The following TYMS variants were observed in gnomAD, a reference collection of about 807,000 sequenced individuals.
The protein encoded by TYMS is thymidylate synthetase, also known as thymidylate synthase.
A neutral mutation model predicts 39.3 loss-of-function variants in TYMS; 21 were observed. That is an observed-to-expected ratio of 0.54 (90% CI 0.38 to 0.77). The LOEUF (loss-of-function observed/expected upper bound fraction) is 0.77. Among genes scored for constraint, TYMS ranks in the 30% least tolerant of loss-of-function variants. The pLI is 0.00. For missense variants in TYMS, 273 were observed against 406.7 expected, an observed-to-expected ratio of 0.67 and a Z score of 2.83; for synonymous variants, 171 against 162.2, an observed-to-expected ratio of 1.05 and a Z score of -0.41.
intron 3 of TYMS, among the ~76,000 whole-genome samples, chr18:665,110 T>C (rs1346750436): frequency 6.6e-6 from 1 of 151,816 alleles, no homozygotes; most frequent in African/African-American, 2.4e-5. Flanking sequence ...TTCCTCTTTG[T>C]ACCTCTGGTA....
At chr18:667,251 TGATGGTGATGGA>T (rs1184303789) in intron 3 of TYMS, among the ~76,000 whole-genome samples, 1 of 21,012 alleles carries the variant, frequency 4.8e-5, no homozygotes, top group Non-Finnish European at 8.2e-5. Context: ...ATGGTGATGG[TGATGGTGATGGA>T]GATGGTGATG....
chr18:658,534 GAGTATA>G lies in TYMS; in HGVS notation c.205+591_205+596del, dbSNP rs77497635. The G allele has an allele frequency of 0.18, 57,037 of 315,112 alleles. 7,198 individuals are homozygous for G. Among genetic ancestry groups the G allele is most frequent in the East Asian group, 0.5 (3,546 of 7,128 alleles). 19.5% of individuals were successfully genotyped at this position (315,112 alleles called of 1,614,324 possible). A position where few individuals can be genotyped will look rare whatever the true frequency, so the allele number is the denominator to read the frequency against. On this transcript the variant is annotated intron_variant, in intron 1 of 6. Coordinates refer to ENST00000323274, the MANE Select transcript of TYMS (RefSeq NM_001071.4). The surrounding 1 kb of genome is among the most constrained non-coding windows in gnomAD (Gnocchi z 4.5). ...CTTGAAAAGAGAAATTCGGGAGTTCGAGTATAAGTTCTTAGTCGTCCTTTCCTCTTT... is the reference window on the plus strand; with the variant it reads ...CTTGAAAAGAGAAATTCGGGAGTTCGAGTTCTTAGTCGTCCTTTCCTCTTT...
chr18:667,786 G>A (rs866160893), intron 3 of TYMS: 2 of 152,286 alleles, frequency 1.3e-5, no homozygotes, highest in South Asian at 4.2e-4. Context: ...CTGCACCTCA[G>A]TTGTAGGGTG....
chr18:666,368 A>T (rs1287820534), intron 3 of TYMS, among the ~76,000 whole-genome samples: 1 of 152,088 alleles, frequency 6.6e-6, no homozygotes, highest in Non-Finnish European at 1.5e-5. Flanking sequence ...TGTGAAGCGC[A>T]GTGCCAGGGT....
At position 673,204 on chromosome 18, in the gene TYMS, A is replaced by T. The variant is rs569492415; in HGVS notation, c.*207A>T. On this transcript the variant is annotated 3_prime_UTR_variant, in exon 7 of 7. Coordinates refer to ENST00000323274, the MANE Select transcript of TYMS (RefSeq NM_001071.4). The stretch of plus-strand genomic sequence containing the variant: ...ATAATAAAAGGCTTTGAGTTAACTC[A>T]CTGAGGGTATCTGACAATGCTGAGG... 2.2e-6 allele frequency: 1 copy of T among 447,026 alleles called. No homozygotes were observed. The highest frequency in any genetic ancestry group is 3.9e-6 in the Non-Finnish European group (1 of 258,192). 27.7% of individuals were successfully genotyped at this position (447,026 alleles called of 1,614,324 possible).
At position 658,336 on chromosome 18, in the gene TYMS, C is replaced by T; in HGVS notation, c.205+389C>T. 7.4e-7 allele frequency: 1 copy of T among 1,345,070 alleles called. No individual in the cohort carries two copies. The highest frequency in any genetic ancestry group is 9.8e-7 in the Non-Finnish European group (1 of 1,019,026). The allele number at this position is 1,345,070 out of a possible 1,614,324, so 83.3% of individuals were successfully genotyped here. ...TCTCAAAGTCCTGGCTTTGGCCCCT[C>T]CTCCGTTTTCCCCTGTGGACCATTC... On this transcript the variant is annotated intron_variant, in intron 1 of 6. Coordinates refer to ENST00000323274, the MANE Select transcript of TYMS (RefSeq NM_001071.4). The surrounding 1 kb of genome is among the most constrained non-coding windows in gnomAD (Gnocchi z 4.5).
chr18:667,598 T>TGGAGATG (rs1373026175), intron 3 of TYMS: 5 of 104,046 alleles, frequency 4.8e-5, no homozygotes, highest in Admixed American at 1.7e-4. Context: ...GTGATGGTGA[T>TGGAGATG]GGTGATGGTG....
At chr18:667,442 TGATGGTGATGGTGATGATGGA>T (rs1567990605) in intron 3 of TYMS, among the ~76,000 whole-genome samples, 12 of 1,154 alleles carry the variant, frequency 0.01, 3 homozygotes, top group East Asian at 0.053. Flanking sequence ...ATGGTGATGG[TGATGGTGATGGTGATGATGGA>T]GATGGTGATG....
At chr18:669,031 T>C in intron 3 of TYMS, 41 bp from the exon 4 acceptor site, 4 of 1,524,676 alleles carry the variant, frequency 2.6e-6, no homozygotes, top group Non-Finnish European at 3.6e-6. Flanking sequence ...ACATGTGTGA[T>C]TAATGTATGT....
Position 657,726 on chromosome 18 carries a change from C to A in TYMS, c.-17C>A, listed in dbSNP as rs1382280915. The A allele has an allele frequency of 2.2e-6, 3 of 1,334,440 alleles. No homozygotes were observed. Among genetic ancestry groups the A allele is most frequent in the Non-Finnish European group, 2.9e-6 (3 of 1,050,124 alleles). 82.7% of individuals were successfully genotyped at this position (1,334,440 alleles called of 1,614,324 possible). A position where few individuals can be genotyped will look rare whatever the true frequency, so the allele number is the denominator to read the frequency against. The stretch of plus-strand genomic sequence containing the variant: ...GCCGCGCCACTTCGCCTGCCTCCGT[C>A]CCCCGCCCGCCGCGCCATGCCTGTG... On this transcript the variant is annotated 5_prime_UTR_variant, in exon 1 of 7. Coordinates refer to ENST00000323274, the MANE Select transcript of TYMS (RefSeq NM_001071.4).
At chr18:670,435 G>C in intron 4 of TYMS, 1 of 454,472 alleles carries the variant, frequency 2.2e-6, no homozygotes, top group Non-Finnish European at 3.9e-6. Flanking sequence ...AGGTAGCCCA[G>C]ATCCCTTCAG....
intron 4 of TYMS, among the ~76,000 whole-genome samples, chr18:669,694 C>T (rs1301692380): frequency 6.6e-6 from 1 of 151,964 alleles, no homozygotes; most frequent in African/African-American, 2.4e-5. Context: ...TTTTAAATTG[C>T]CTAGAAACTA....
At position 670,915 on chromosome 18, in the gene TYMS, C is replaced by T. The variant is rs2144367770; in HGVS notation, c.732+48C>T. The T allele has an allele frequency of 4.4e-6, 7 of 1,587,338 alleles. No homozygotes were observed. In the South Asian group the frequency reaches 5.7e-5, roughly 13 times the overall value. The stretch of plus-strand genomic sequence containing the variant: ...ACTTGCCAGCCTACCACACTGAGCT[C>T]TTCAGTTCTTTAATATGGGAAAACA... On this transcript the variant is annotated intron_variant, in intron 5 of 6. Transcript: ENST00000323274.
At position 658,019 on chromosome 18, in the gene TYMS, C is replaced by T. The variant is rs572858775; in HGVS notation, c.205+72C>T. On this transcript the variant is annotated intron_variant, in intron 1 of 6. Transcript: ENST00000323274. The surrounding 1 kb of genome is among the most constrained non-coding windows in gnomAD (Gnocchi z 4.5). ...CGCGGCTGGGGAGAGCGCTCGGGAG[C>T]TGCCGGGCGCTGCGGACCCCGTTTA... 1.3e-6 allele frequency: 2 copies of T among 1,528,234 alleles called. No individual in the cohort carries two copies. The highest frequency in any genetic ancestry group is 1.4e-5 in the African/African-American group (1 of 72,256). The allele number at this position is 1,528,234 out of a possible 1,614,324, so 94.7% of individuals were successfully genotyped here.
chr18:670,614 C>T, intron 4 of TYMS, 78 bp from the exon 5 acceptor site: 1 of 1,515,846 alleles, frequency 6.6e-7, no homozygotes. Flanking sequence ...GCTTCTGTTT[C>T]TCTCCTGTTT....
chr18:666,625 C>T (rs8088781), intron 3 of TYMS, among the ~76,000 whole-genome samples: 18,832 of 152,228 alleles, frequency 0.12, 1,267 homozygotes, highest in Non-Finnish European at 0.15. Context: ...TCACATTTCA[C>T]CTCCAGCCAC....
In TYMS at chr18:669,071, G is replaced by C; in HGVS notation, c.455-1G>C. 1 of 1,613,112 alleles carries C rather than the reference G, an allele frequency of 6.2e-7. No homozygotes were observed. The highest frequency in any genetic ancestry group is 8.5e-7 in the Non-Finnish European group (1 of 1,179,070). On this transcript the variant is annotated splice_acceptor_variant, in intron 3 of 6. Transcript: ENST00000323274. LOFTEE classifies it high-confidence loss of function. ...GTCCTCTCTTTTTGACAATTCTACA[G>C]ATTATTCAGGACAGGGAGTTGACCA...
At chr18:661,724 G>T (rs956718161) in intron 2 of TYMS, among the ~76,000 whole-genome samples, 1 of 152,204 alleles carries the variant, frequency 6.6e-6, no homozygotes, top group Non-Finnish European at 1.5e-5. Context: ...GGTGGCTCAC[G>T]CCTGTAATCC....
In TYMS at chr18:658,778, C is replaced by T. The variant is rs972751759; in HGVS notation, c.205+831C>T. The T allele has an allele frequency of 1.1e-5, 2 of 186,648 alleles. No homozygotes were observed. The highest frequency in any genetic ancestry group is 2.2e-5 in the Non-Finnish European group (2 of 90,552). The allele number at this position is 186,648 out of a possible 1,614,324, so 11.6% of individuals were successfully genotyped here. On this transcript the variant is annotated intron_variant, in intron 1 of 6. Transcript: ENST00000323274. The surrounding 1 kb of genome is among the most constrained non-coding windows in gnomAD (Gnocchi z 4.5). ...GTGAGCCAGGGGCTGACCTTGACCG[C>T]TCAGATAAATGGAGCGCAGCCTTGA...
Sources: gnomAD v4.1 joint callset for allele counts (sites outside exome capture counted in the v4.1 genomes callset) on GRCh38, gnomAD v4.1.1 for gene constraint, Gnocchi (gnomAD v3.1) non-coding constraint, MANE v1.5 for transcripts, NCBI Gene and HGNC (gene_info 2026-07-23, HGNC 2026-07-21) for gene names.